Variants in DPP10 observed in about 807,000 individuals in gnomAD.
The protein encoded by DPP10 is dipeptidyl peptidase like 10, also known as inactive dipeptidyl peptidase 10.
Under a neutral mutation model 120.9 loss-of-function variants are expected in DPP10, and 33 were observed. That is an observed-to-expected ratio of 0.27 (90% CI 0.21 to 0.37). The LOEUF (loss-of-function observed/expected upper bound fraction) is 0.37, where lower values mean the gene tolerates loss of function less well. Ranked by LOEUF, DPP10 falls within the 10% of genes least tolerant of loss-of-function variation. DPP10 has a pLI of 1.00. For synonymous variants in DPP10, 337 were observed against 326.1 expected (o/e 1.03, Z -0.36); for missense variants, 816 against 942.8 (o/e 0.87, Z 1.76).
chr2:114,486,714 T>C (rs1252480483), intron 1 of DPP10, among the ~76,000 whole-genome samples: 1 of 152,160 alleles, frequency 6.6e-6, no homozygotes, highest in Non-Finnish European at 1.5e-5. Flanking sequence ...GAAACTATAA[T>C]GTTGAAAATA....
At chr2:115,820,718 T>TA (rs1337168283) in intron 21 of DPP10, among the ~76,000 whole-genome samples, 1 of 152,162 alleles carries the variant, frequency 6.6e-6, no homozygotes, top group Non-Finnish European at 1.5e-5. Context: ...CCACTTAGAA[T>TA]AATGGTCTCC....
intron 1 of DPP10, among the ~76,000 whole-genome samples, chr2:114,716,524 TATGTAGGACA>T (rs1305234388): frequency 6.6e-6 from 1 of 152,200 alleles, no homozygotes; most frequent in Non-Finnish European, 1.5e-5. Flanking sequence ...TAAAATACTT[TATGTAGGACA>T]AGAAGGAAAG....
intron 1 of DPP10, among the ~76,000 whole-genome samples, chr2:114,696,167 G>T (rs1292943673): frequency 1.3e-5 from 2 of 152,038 alleles, no homozygotes; most frequent in Non-Finnish European, 2.9e-5. Context: ...AGAAATGCAA[G>T]CAGGAAGCAT....
At chr2:114,504,487 G>A (rs556131706) in intron 1 of DPP10, among the ~76,000 whole-genome samples, 14 of 151,970 alleles carry the variant, frequency 9.2e-5, no homozygotes, top group East Asian at 7.7e-4. Context: ...ACCCTCTATC[G>A]TTGTCTCTAT....
chr2:115,507,465 T>C (rs1298096884), intron 4 of DPP10, among the ~76,000 whole-genome samples: 1 of 152,156 alleles, frequency 6.6e-6, no homozygotes, highest in Non-Finnish European at 1.5e-5. Flanking sequence ...AGAGAATGAT[T>C]AGTTGCTTAG....
At chr2:115,321,238 C>A (rs935766718) in intron 2 of DPP10, among the ~76,000 whole-genome samples, 1 of 152,096 alleles carries the variant, frequency 6.6e-6, no homozygotes, top group South Asian at 2.1e-4. Flanking sequence ...GAGGCAGAGG[C>A]TGCAGTGAGC....
intron 1 of DPP10, among the ~76,000 whole-genome samples, chr2:114,532,256 CATATATATATATATATATAT>C (rs66716319): frequency 0.011 from 968 of 86,306 alleles, 43 homozygotes; most frequent in African/African-American, 0.053. Flanking sequence ...AATAAATCTC[CATATATATATATATATATAT>C]ATATATATAT....
chr2:114,543,884 T>G (rs1158149484), intron 1 of DPP10, among the ~76,000 whole-genome samples: 1 of 151,378 alleles, frequency 6.6e-6, no homozygotes, highest in African/African-American at 2.4e-5. Context: ...TTGTTGTTGG[T>G]GGTGGTGGTG....
chr2:114,785,576 A>G (rs966667549), intron 1 of DPP10, among the ~76,000 whole-genome samples: 1 of 152,178 alleles, frequency 6.6e-6, no homozygotes, highest in African/African-American at 2.4e-5. Flanking sequence ...TAGGAAATCT[A>G]AAACACAGGC....
chr2:114,500,264 G>A (rs1463925164), intron 1 of DPP10, among the ~76,000 whole-genome samples: 2 of 152,162 alleles, frequency 1.3e-5, no homozygotes. Flanking sequence ...CTCTGATCAT[G>A]GCCTGAGGTT....
chr2:114,567,073 T>A (rs1689260900), intron 1 of DPP10, among the ~76,000 whole-genome samples: 1 of 152,074 alleles, frequency 6.6e-6, no homozygotes, highest in African/African-American at 2.4e-5. Context: ...CTCCTTCCTA[T>A]CTCCCATCCT....
chr2:114,751,399 G>A (rs185060835), intron 1 of DPP10, among the ~76,000 whole-genome samples: 22 of 152,288 alleles, frequency 1.4e-4, no homozygotes, highest in South Asian at 8.3e-4. Flanking sequence ...AATGCTCAGC[G>A]TTCATTTGGT....
At chr2:115,423,554 C>G (rs1351309529) in intron 3 of DPP10, among the ~76,000 whole-genome samples, 1 of 152,032 alleles carries the variant, frequency 6.6e-6, no homozygotes, top group East Asian at 1.9e-4. Context: ...AAAGAACTAA[C>G]AAATGACAAA....
At chr2:115,060,172 A>G (rs17043949) in intron 1 of DPP10, among the ~76,000 whole-genome samples, 21,900 of 150,224 alleles carry the variant, frequency 0.15, 1,706 homozygotes, top group African/African-American at 0.21. Flanking sequence ...CTAGATAGAT[A>G]GATATATAGA....
At chr2:114,764,693 C>A (rs1192255889) in intron 1 of DPP10, among the ~76,000 whole-genome samples, 1 of 151,906 alleles carries the variant, frequency 6.6e-6, no homozygotes, top group Non-Finnish European at 1.5e-5. Flanking sequence ...GGTTAGAACA[C>A]AATGTTGCCC....
intron 1 of DPP10, among the ~76,000 whole-genome samples, chr2:114,552,527 A>ATACATTCT (rs1266622173): frequency 6.6e-6 from 1 of 151,954 alleles, no homozygotes; most frequent in East Asian, 1.9e-4. Context: ...ACTTTCCATT[A>ATACATTCT]TACATTCTTT....
At chr2:114,468,159 C>CTTTATAG (rs1413085688) in intron 1 of DPP10, among the ~76,000 whole-genome samples, 1 of 152,034 alleles carries the variant, frequency 6.6e-6, no homozygotes, top group Non-Finnish European at 1.5e-5. Context: ...GCTTTTCTCA[C>CTTTATAG]TTTATAGATG....
chr2:115,784,899 A>G (rs1683159806), intron 17 of DPP10, among the ~76,000 whole-genome samples: 1 of 152,180 alleles, frequency 6.6e-6, no homozygotes, highest in South Asian at 2.1e-4. Flanking sequence ...TTCTAAATGG[A>G]GAATATTATG....
At chr2:115,127,208 A>C (rs2050124269) in intron 1 of DPP10, among the ~76,000 whole-genome samples, 1 of 152,156 alleles carries the variant, frequency 6.6e-6, no homozygotes, top group Admixed American at 6.6e-5. Flanking sequence ...CTAGAGAAAA[A>C]CTGTAGAGTC....
Sources: gnomAD v4.1 joint callset for allele counts (sites outside exome capture counted in the v4.1 genomes callset) on GRCh38, gnomAD v4.1.1 for gene constraint, MANE v1.5 for transcripts, NCBI Gene and HGNC (gene_info 2026-07-23, HGNC 2026-07-21) for gene names.